Variants in MED13L observed in about 807,000 individuals in gnomAD.
MED13L encodes the protein mediator complex subunit 13L, also known as mediator of RNA polymerase II transcription subunit 13-like.
In MED13L, 7 loss-of-function variants were observed where a neutral mutation model predicts 220.9. The ratio of observed to expected loss-of-function variants is 0.03; its 90% confidence interval spans 0.02 to 0.06. The LOEUF is 0.06. MED13L is among the 10% of genes least tolerant of loss of function. The pLI, the probability that MED13L is intolerant of heterozygous loss-of-function variation, is 1.00. For missense variants in MED13L, 1,965 were observed against 2,760.5 expected (o/e 0.71, Z 6.46); for synonymous variants, 1,011 against 1,015.2 (o/e 1.00, Z 0.08).
intron 2 of MED13L, among the ~76,000 whole-genome samples, chr12:116,161,921 T>C (rs1878882266): frequency 6.6e-6 from 1 of 152,004 alleles, no homozygotes; most frequent in East Asian, 1.9e-4. Context: ...AAAAAAGAAA[T>C]GGAATATCTA....
At chr12:116,167,055 AT>A (rs1445879889) in intron 2 of MED13L, among the ~76,000 whole-genome samples, 1 of 152,186 alleles carries the variant, frequency 6.6e-6, no homozygotes, top group Non-Finnish European at 1.5e-5. Flanking sequence ...ACAAAATTCG[AT>A]GTTCAAAACT....
chr12:116,195,304 G>T (rs1881551017), intron 2 of MED13L, among the ~76,000 whole-genome samples: 1 of 151,984 alleles, frequency 6.6e-6, no homozygotes, highest in Non-Finnish European at 1.5e-5. Flanking sequence ...AAGAATACGT[G>T]CAAAACCACT....
chr12:116,002,906 A>T, intron 14 of MED13L, 97 bp downstream of exon 14: 2 of 1,044,760 alleles, frequency 1.9e-6, no homozygotes, highest in African/African-American at 1.6e-5. Context: ...AAGGAAGGGA[A>T]ATTTCAGATA....
Position 115,962,602 on chromosome 12 carries a change from C to T in MED13L, c.6500+805G>A, listed in dbSNP as rs565735994. ...TATATAGTTTCCTATCATTTCCTAA[C>T]CATTTAAGAGTTAGAAAACATTAGA... On this transcript the variant is annotated intron_variant, in intron 30 of 30. Transcript: ENST00000281928. 3 of 152,234 alleles carry T rather than the reference C, an allele frequency of 2.0e-5. No homozygotes were observed. The South Asian group carries it at 6.2e-4, about 32-fold the overall frequency. The allele number at this position is 152,234 out of a possible 1,614,324, so 9.4% of individuals were successfully genotyped here. A position where few individuals can be genotyped will look rare whatever the true frequency, so the allele number is the denominator to read the frequency against.
intron 4 of MED13L, among the ~76,000 whole-genome samples, chr12:116,039,986 G>A (rs945051365): frequency 2.6e-5 from 4 of 152,150 alleles, no homozygotes; most frequent in Admixed American, 1.3e-4. Context: ...CACAGAAAGC[G>A]ACATGGCTCA....
intron 2 of MED13L, among the ~76,000 whole-genome samples, chr12:116,113,733 G>T (rs1831249876): frequency 8.2e-6 from 1 of 121,270 alleles, no homozygotes; most frequent in Admixed American, 8.3e-5. Context: ...GGAGAGAGGA[G>T]GGGGAGGGGA....
chr12:116,191,494 G>A (rs1263518764), intron 2 of MED13L, among the ~76,000 whole-genome samples: 2 of 151,642 alleles, frequency 1.3e-5, no homozygotes, highest in Admixed American at 1.3e-4. Flanking sequence ...CCATGCCCAG[G>A]TAATTTTTGT....
intron 2 of MED13L, among the ~76,000 whole-genome samples, chr12:116,127,339 G>A (rs1207564883): frequency 6.6e-6 from 1 of 152,070 alleles, no homozygotes; most frequent in Non-Finnish European, 1.5e-5. Context: ...ATACATATGA[G>A]ATAATAGGTT....
At chr12:116,003,309 CT>C (rs1295762525) in intron 13 of MED13L, among the ~76,000 whole-genome samples, 1 of 152,120 alleles carries the variant, frequency 6.6e-6, no homozygotes, top group Non-Finnish European at 1.5e-5. Flanking sequence ...TTTCATGGAT[CT>C]TGTGAGGGCA....
At chr12:116,210,651 T>C (rs1038161087) in intron 2 of MED13L, among the ~76,000 whole-genome samples, 4 of 149,654 alleles carry the variant, frequency 2.7e-5, no homozygotes, top group Non-Finnish European at 5.9e-5. Context: ...CATTATGATC[T>C]GTACAGCACC....
chr12:115,997,101 C>A lies in MED13L; in HGVS notation c.2699G>T (p.Ser900Ile). ...TGTTGAAACCATACTGACCATAGGGCTCTCCATCATGCCTAATGCTGTCAC... is the reference window on the plus strand; with the variant it reads ...TGTTGAAACCATACTGACCATAGGGATCTCCATCATGCCTAATGCTGTCAC... ...ETVTALGMME[S>I]PMVSMVSTQL... The change falls in exon 15 of 31, where the codon AGC (serine) becomes ATC (isoleucine). Residue 900 changes from serine (S) to isoleucine (I), a missense_variant. Around this residue, in one of 10 missense-constraint regions of MED13L, gnomAD observed 233 missense variants for 306.2 expected, o/e 0.76. Transcript: ENST00000281928. 1 of 1,614,112 alleles carries A rather than the reference C, an allele frequency of 6.2e-7. No individual in the cohort carries two copies. Among genetic ancestry groups the A allele is most frequent in the Non-Finnish European group, 8.5e-7 (1 of 1,179,962 alleles).
At chr12:116,170,700 A>G (rs964834522) in intron 2 of MED13L, among the ~76,000 whole-genome samples, 1 of 149,988 alleles carries the variant, frequency 6.7e-6, no homozygotes, top group Non-Finnish European at 1.5e-5. Context: ...TCCCAGGTTC[A>G]GGTAATTCTT....
rs1442776488 is a variant in MED13L, at chr12:116,273,676, T to G, written c.72+3384A>C. 2.0e-5 allele frequency among the ~76,000 whole-genome samples: 3 copies of G among 152,314 alleles called. No individual in the cohort carries two copies. In the East Asian group the frequency reaches 5.8e-4, roughly 29 times the overall value. Reference sequence around the variant, plus strand: ...ACTAGTGTCTCAATTCAGCAAGAATTTGAGATTATCACCCAATTATCCATA... The same window carrying G: ...ACTAGTGTCTCAATTCAGCAAGAATGTGAGATTATCACCCAATTATCCATA... On this transcript the variant is annotated intron_variant, in intron 1 of 30. Coordinates refer to ENST00000281928, the MANE Select transcript of MED13L (RefSeq NM_015335.5).
chr12:116,271,647 G>A (rs946265514), intron 1 of MED13L, among the ~76,000 whole-genome samples: 17 of 150,042 alleles, frequency 1.1e-4, no homozygotes, highest in Non-Finnish European at 4.4e-5. Context: ...AAAAAGAAAC[G>A]TTATGACAAA....
intron 1 of MED13L, among the ~76,000 whole-genome samples, chr12:116,274,784 A>G (rs1044892881): frequency 6.6e-6 from 1 of 152,102 alleles, no homozygotes; most frequent in Admixed American, 6.5e-5. Context: ...TCTCTAGTTC[A>G]AAGTTGCTAC....
chr12:116,031,753 A>G (rs1880830923), intron 4 of MED13L, among the ~76,000 whole-genome samples: 1 of 16,262 alleles, frequency 6.1e-5, no homozygotes, highest in Non-Finnish European at 9.6e-5. Context: ...AAGAAAAGAA[A>G]AGAAAAGAAG....
intron 2 of MED13L, among the ~76,000 whole-genome samples, chr12:116,202,196 A>C (rs1237822193): frequency 6.6e-6 from 1 of 152,220 alleles, no homozygotes; most frequent in Non-Finnish European, 1.5e-5. Context: ...TACATAATTC[A>C]CTGCCAAACT....
At chr12:116,233,025 T>C (rs1332040792) in intron 2 of MED13L, among the ~76,000 whole-genome samples, 4 of 148,896 alleles carry the variant, frequency 2.7e-5, no homozygotes, top group Non-Finnish European at 5.9e-5. Flanking sequence ...AGGCAGAGGT[T>C]GCAGTGAGCC....
intron 2 of MED13L, among the ~76,000 whole-genome samples, chr12:116,199,571 T>C (rs924613154): frequency 4.6e-5 from 7 of 152,214 alleles, no homozygotes; most frequent in African/African-American, 1.7e-4. Context: ...AGGTTTCTAC[T>C]TTCAGTAAGC....
Sources: allele counts gnomAD v4.1 joint callset (sites outside exome capture counted in the v4.1 genomes callset), GRCh38; gene constraint gnomAD v4.1.1; regional missense constraint gnomAD v4.1.1; transcripts MANE v1.5; gene names NCBI Gene and HGNC (gene_info 2026-07-23, HGNC 2026-07-21).